SNTG2: variants seen among roughly 807,000 people sequenced by gnomAD.
SNTG2 encodes gamma-2-syntrophin.
SNTG2 carries 74 observed loss-of-function variants against 70.9 expected under a neutral mutation model. The ratio of observed to expected loss-of-function variants is 1.04; its 90% confidence interval spans 0.86 to 1.27. SNTG2 has a LOEUF of 1.27. SNTG2 is among the 50% of genes most tolerant of loss of function. The pLI, the probability that SNTG2 is intolerant of heterozygous loss-of-function variation, is 0.00. For missense variants in SNTG2, 717 were observed against 690.7 expected (o/e 1.04, Z -0.43); for synonymous variants, 278 against 273.8 (o/e 1.02, Z -0.15).
rs139561780 is a variant in SNTG2, at chr2:1,305,931, A to G, written c.1285-2563A>G. ...GTAGCCACTGATGTTTACAATTTCT[A>G]CAGATCCTATGATGCTAGCTACTTA... is the stretch of plus-strand genomic sequence containing the variant. On this transcript the variant is annotated intron_variant, in intron 14 of 16. Coordinates refer to ENST00000308624, the MANE Select transcript of SNTG2 (RefSeq NM_018968.4). Among the ~76,000 whole-genome samples the G allele has an allele frequency of 5.0e-3, 756 of 152,330 alleles. 6 individuals carry two copies. Among genetic ancestry groups the G allele is most frequent in the African/African-American group, 0.017 (688 of 41,574 alleles).
At chr2:1,119,551 C>T (rs1465681414) in intron 4 of SNTG2, among the ~76,000 whole-genome samples, 1 of 129,294 alleles carries the variant, frequency 7.7e-6, no homozygotes, top group Non-Finnish European at 1.6e-5. Flanking sequence ...GTTAAAGGCT[C>T]GTTTTTTTTT....
intron 8 of SNTG2, among the ~76,000 whole-genome samples, chr2:1,181,777 G>A (rs1158502360): frequency 6.6e-6 from 1 of 152,164 alleles, no homozygotes; most frequent in African/African-American, 2.4e-5. Context: ...AGCTTGCAGG[G>A]AGCTTTTGTT....
intron 16 of SNTG2, among the ~76,000 whole-genome samples, chr2:1,357,710 T>C (rs1237081142): frequency 6.6e-6 from 1 of 152,150 alleles, no homozygotes; most frequent in East Asian, 1.9e-4. Flanking sequence ...AGTGGTATGC[T>C]TAGATTGTCG....
At chr2:958,274 T>G (rs974964093) in intron 1 of SNTG2, among the ~76,000 whole-genome samples, 2 of 152,162 alleles carry the variant, frequency 1.3e-5, no homozygotes, top group Non-Finnish European at 2.9e-5. Context: ...GACAAAAGGA[T>G]AACAACAGGA....
chr2:1,288,116 A>G (rs1679841120), intron 14 of SNTG2, among the ~76,000 whole-genome samples: 1 of 152,240 alleles, frequency 6.6e-6, no homozygotes, highest in Admixed American at 6.5e-5. Flanking sequence ...TGGTATTTAT[A>G]CAGCTTAAGA....
At chr2:1,078,634 T>C (rs1664080995) in intron 1 of SNTG2, among the ~76,000 whole-genome samples, 2 of 152,102 alleles carry the variant, frequency 1.3e-5, no homozygotes, top group Admixed American at 1.3e-4. Context: ...TGGCAAACTT[T>C]GGGGAGATTT....
At chr2:1,307,478 GAGA>G (rs1680751195) in intron 14 of SNTG2, among the ~76,000 whole-genome samples, 1 of 151,634 alleles carries the variant, frequency 6.6e-6, no homozygotes, top group East Asian at 1.9e-4. Context: ...AGAGAAGAGA[GAGA>G]AGGAGGGAAA....
intron 1 of SNTG2, among the ~76,000 whole-genome samples, chr2:1,040,787 A>G (rs1221576094): frequency 6.6e-6 from 1 of 152,244 alleles, no homozygotes; most frequent in Non-Finnish European, 1.5e-5. Context: ...TGTAAGTAGC[A>G]GAATAACTAA....
At chr2:1,137,839 G>A (rs756117682) in intron 6 of SNTG2, 30 bp downstream of exon 6, 4 of 1,565,884 alleles carry the variant, frequency 2.6e-6, no homozygotes, top group African/African-American at 1.4e-5. Context: ...TAGTTATTCT[G>A]TTTATTATTC....
In SNTG2 at chr2:1,030,406, G is replaced by A. The variant is rs566553696; in HGVS notation, c.73-53112G>A. Among the ~76,000 whole-genome samples the A allele has an allele frequency of 1.1e-3, 161 of 152,234 alleles. 4 individuals are homozygous for A. Among genetic ancestry groups the A allele is most frequent in the Non-Finnish European group, 4.4e-4 (30 of 68,032 alleles). ...CAATTCAATTAAAAAAAGGGCAAGG[G>A]ACACACAGAGACACTTGGCCTGTGA... On this transcript the variant is annotated intron_variant, in intron 1 of 16. Coordinates refer to ENST00000308624, the MANE Select transcript of SNTG2 (RefSeq NM_018968.4).
intron 6 of SNTG2, among the ~76,000 whole-genome samples, chr2:1,141,364 A>G (rs1182525152): frequency 5.9e-5 from 9 of 152,226 alleles, no homozygotes; most frequent in African/African-American, 2.2e-4. Flanking sequence ...ATTCAAAGGC[A>G]GGCTGTTTCT....
At chr2:1,019,505 G>T (rs1258015131) in intron 1 of SNTG2, among the ~76,000 whole-genome samples, 3 of 152,110 alleles carry the variant, frequency 2.0e-5, no homozygotes, top group Non-Finnish European at 4.4e-5. Context: ...TGGTATCCAA[G>T]GGAAGAAATG....
chr2:1,138,243 C>T (rs752075982), intron 6 of SNTG2, among the ~76,000 whole-genome samples: 8 of 152,296 alleles, frequency 5.3e-5, no homozygotes, highest in South Asian at 2.1e-4. Context: ...CAGCAGCACA[C>T]GTGCATAGAA....
intron 6 of SNTG2, among the ~76,000 whole-genome samples, chr2:1,154,915 AC>A (rs1467093189): frequency 2.0e-5 from 3 of 150,288 alleles, no homozygotes; most frequent in African/African-American, 7.4e-5. Context: ...ACATACACAC[AC>A]ACAACACAAA....
intron 16 of SNTG2, among the ~76,000 whole-genome samples, chr2:1,354,362 GGTGTT>G: frequency 4.4e-5 from 2 of 45,850 alleles, no homozygotes; most frequent in African/African-American, 2.3e-4. Context: ...TCAGGGACTG[GGTGTT>G]CCGTGGCAGA....
Position 1,106,229 on chromosome 2 carries a change from A to ACACACGC in SNTG2, c.325+7819_325+7820insCACACGC, listed in dbSNP as rs1666137100. On this transcript the variant is annotated intron_variant, in intron 4 of 16. Coordinates refer to ENST00000308624, the MANE Select transcript of SNTG2 (RefSeq NM_018968.4). The stretch of plus-strand genomic sequence containing the variant: ...ATGGAGAGCTCCTTGGTAATAGTGG[A>ACACACGC]TGCGTGCTGTCACTCGGGTGCAGGG... Among the ~76,000 whole-genome samples the ACACACGC allele has an allele frequency of 6.4e-5, 7 of 108,616 alleles. 1 individual carries two copies. The highest frequency in any genetic ancestry group is 2.5e-4 in the African/African-American group (7 of 27,478). 71.3% of individuals were successfully genotyped at this position (108,616 alleles called of 152,430 possible).
chr2:1,348,736 G>C (rs1660428508), intron 16 of SNTG2, among the ~76,000 whole-genome samples: 1 of 152,164 alleles, frequency 6.6e-6, no homozygotes, highest in Non-Finnish European at 1.5e-5. Flanking sequence ...CGGTGTCACA[G>C]GCCATGGCCA....
intron 1 of SNTG2, among the ~76,000 whole-genome samples, chr2:1,033,170 A>G (rs530314501): frequency 6.6e-6 from 1 of 152,272 alleles, no homozygotes; most frequent in Non-Finnish European, 1.5e-5. Flanking sequence ...TGGAGATGAC[A>G]CCTCAACATG....
chr2:1,188,448 A>G (rs1672380047), intron 8 of SNTG2, among the ~76,000 whole-genome samples: 1 of 152,138 alleles, frequency 6.6e-6, no homozygotes, highest in Non-Finnish European at 1.5e-5. Flanking sequence ...ATTAGATAAA[A>G]TAATAACAAA....
Sources: allele counts gnomAD v4.1 joint callset (sites outside exome capture counted in the v4.1 genomes callset), GRCh38; gene constraint gnomAD v4.1.1; transcripts MANE v1.5; gene names NCBI Gene and HGNC (gene_info 2026-07-23, HGNC 2026-07-21).